The following GRID2 variants were observed in gnomAD, a reference collection of about 807,000 sequenced individuals.
GRID2 encodes glutamate ionotropic receptor delta type subunit 2.
In GRID2, 33 loss-of-function variants were observed where a neutral mutation model predicts 114.8. The observed-to-expected ratio is 0.29, with a 90% confidence interval of 0.22 to 0.38. The LOEUF (loss-of-function observed/expected upper bound fraction) is 0.38. Among genes scored for constraint, GRID2 ranks in the 10% least tolerant of loss-of-function variants. The pLI, the probability that GRID2 is intolerant of heterozygous loss-of-function variation, is 1.00. For missense variants in GRID2, 1,184 were observed against 1,257.7 expected (o/e 0.94, Z 0.89); for synonymous variants, 505 against 449.9 (o/e 1.12, Z -1.55).
At chr4:93,220,167 A>G (rs1744707474) in intron 6 of GRID2, among the ~76,000 whole-genome samples, 1 of 152,114 alleles carries the variant, frequency 6.6e-6, no homozygotes, top group African/African-American at 2.4e-5. Flanking sequence ...TATTAAATCA[A>G]TGGTTTGGAG....
At chr4:92,711,345 T>G (rs1237476131) in intron 2 of GRID2, among the ~76,000 whole-genome samples, 2 of 152,164 alleles carry the variant, frequency 1.3e-5, no homozygotes, top group Non-Finnish European at 2.9e-5. Flanking sequence ...ACATCTCATC[T>G]CACTGCAGTC....
intron 2 of GRID2, among the ~76,000 whole-genome samples, chr4:92,683,706 T>A (rs928227237): frequency 1.8e-4 from 28 of 151,900 alleles, no homozygotes; most frequent in Admixed American, 3.3e-4. Flanking sequence ...CAAAAAAGAT[T>A]AAAAATAAAA....
chr4:92,967,035 C>G (rs1172585777), intron 2 of GRID2, among the ~76,000 whole-genome samples: 1 of 151,820 alleles, frequency 6.6e-6, no homozygotes, highest in Non-Finnish European at 1.5e-5. Flanking sequence ...AAGGGATGAG[C>G]ATAATCAAAC....
chr4:92,514,405 C>T (rs1458154405), intron 1 of GRID2, among the ~76,000 whole-genome samples: 1 of 151,806 alleles, frequency 6.6e-6, no homozygotes, highest in Admixed American at 6.6e-5. Context: ...TTCTATGACT[C>T]AGGTACTGAT....
intron 2 of GRID2, among the ~76,000 whole-genome samples, chr4:92,933,562 C>T (rs1000200501): frequency 1.3e-5 from 2 of 151,448 alleles, no homozygotes; most frequent in Non-Finnish European, 1.5e-5. Context: ...AATGATAAGC[C>T]ATGCCAGGAG....
intron 7 of GRID2, among the ~76,000 whole-genome samples, chr4:93,230,474 AT>A (rs1475034100): frequency 5.9e-5 from 9 of 152,130 alleles, no homozygotes; most frequent in Non-Finnish European, 1.0e-4. Flanking sequence ...TAAAGAAAGT[AT>A]TCTTCTATTT....
chr4:93,390,018 A>C (rs182234062), intron 8 of GRID2, among the ~76,000 whole-genome samples: 88 of 152,212 alleles, frequency 5.8e-4, no homozygotes, highest in African/African-American at 2.1e-3. Context: ...TGAACTCCTG[A>C]CCTTAGGTGA....
chr4:92,946,792 T>C (rs1202226779), intron 2 of GRID2, among the ~76,000 whole-genome samples: 1 of 152,088 alleles, frequency 6.6e-6, no homozygotes, highest in African/African-American at 2.4e-5. Flanking sequence ...GGTAAAGCAC[T>C]GGTTTTTAGG....
At chr4:92,418,936 A>C (rs1731753981) in intron 1 of GRID2, among the ~76,000 whole-genome samples, 1 of 152,024 alleles carries the variant, frequency 6.6e-6, no homozygotes, top group Admixed American at 6.6e-5. Flanking sequence ...TTATCTGGTT[A>C]ATAATTTGGA....
intron 2 of GRID2, among the ~76,000 whole-genome samples, chr4:93,061,273 T>A (rs893459714): frequency 6.6e-6 from 1 of 151,304 alleles, no homozygotes; most frequent in Non-Finnish European, 1.5e-5. Context: ...TTCTTATCTG[T>A]GAGTGGGCTG....
At chr4:92,868,048 CT>C (rs1745013402) in intron 2 of GRID2, among the ~76,000 whole-genome samples, 1 of 139,282 alleles carries the variant, frequency 7.2e-6, no homozygotes, top group Non-Finnish European at 1.5e-5. Context: ...TTCTTTCTTT[CT>C]TTCTTTCTTT....
intron 8 of GRID2, among the ~76,000 whole-genome samples, chr4:93,332,235 T>C (rs1162867780): frequency 6.7e-6 from 1 of 149,460 alleles, no homozygotes; most frequent in Non-Finnish European, 1.5e-5. Flanking sequence ...TAAGAGAAGT[T>C]AAAAGCCAGA....
intron 14 of GRID2, among the ~76,000 whole-genome samples, chr4:93,678,306 G>A (rs1725125203): frequency 1.3e-5 from 2 of 152,198 alleles, no homozygotes; most frequent in Non-Finnish European, 1.5e-5. Flanking sequence ...TCTGATTGGT[G>A]TACCTGAAAG....
At chr4:93,003,522 A>G (rs1162517667) in intron 2 of GRID2, among the ~76,000 whole-genome samples, 10 of 151,958 alleles carry the variant, frequency 6.6e-5, no homozygotes, top group Admixed American at 5.9e-4. Flanking sequence ...AGCATTTTAT[A>G]TGGGAATAAT....
intron 14 of GRID2, among the ~76,000 whole-genome samples, chr4:93,711,472 G>A (rs1398998201): frequency 6.6e-6 from 1 of 152,150 alleles, no homozygotes; most frequent in African/African-American, 2.4e-5. Flanking sequence ...CCTTGCCCAG[G>A]AATTGCTGTT....
rs879321447 is a variant in GRID2 at position 93,347,965 on chromosome 4, TG to T, written c.1246-47638del. Among the ~76,000 whole-genome samples the T allele has an allele frequency of 9.0e-4, 137 of 152,130 alleles. 1 individual carries two copies. Among genetic ancestry groups the T allele is most frequent in the Non-Finnish European group, 1.5e-4 (10 of 68,024 alleles). The stretch of plus-strand genomic sequence containing the variant: ...CTAAAATATGGGTCAGTGACGTTTT[TG>T]GGGAGCAAAGTTCTTGGAGATTTAA... On this transcript the variant is annotated intron_variant, in intron 8 of 15. Transcript: ENST00000282020.
intron 7 of GRID2, among the ~76,000 whole-genome samples, chr4:93,233,287 A>G (rs760064797): frequency 1.1e-4 from 16 of 151,970 alleles, no homozygotes; most frequent in Non-Finnish European, 2.4e-4. Flanking sequence ...TCCAAATTTT[A>G]TTCAAGGAAT....
intron 2 of GRID2, among the ~76,000 whole-genome samples, chr4:92,730,664 A>G (rs941719403): frequency 2.0e-5 from 3 of 151,994 alleles, no homozygotes; most frequent in African/African-American, 7.2e-5. Flanking sequence ...AAACAAGCCC[A>G]AAGTAATAAT....
chr4:92,898,624 G>A (rs961546756), intron 2 of GRID2, among the ~76,000 whole-genome samples: 6 of 152,126 alleles, frequency 3.9e-5, no homozygotes, highest in Admixed American at 3.9e-4. Context: ...AAAAAGGAGA[G>A]AGCCTTCAAA....
Sources: gnomAD v4.1 joint callset for allele counts (sites outside exome capture counted in the v4.1 genomes callset) on GRCh38, gnomAD v4.1.1 for gene constraint, MANE v1.5 for transcripts, NCBI Gene and HGNC (gene_info 2026-07-23, HGNC 2026-07-21) for gene names.